GSTA2: variants seen among roughly 807,000 people sequenced by gnomAD.
The protein encoded by GSTA2 is glutathione S-transferase alpha 2, also known as glutathione S-transferase A2.
A neutral mutation model predicts 22.4 loss-of-function variants in GSTA2; 27 were observed. The ratio of observed to expected loss-of-function variants is 1.21; its 90% CI spans 0.89 to 1.67. The LOEUF is 1.67. Ranked by LOEUF, GSTA2 falls within the 40% of genes most tolerant of loss-of-function variation. The probability of loss-of-function intolerance (pLI) is 0.00; values close to 1 mark genes in which losing one functional copy is unlikely to be tolerated. For synonymous variants in GSTA2, 121 were observed against 86.8 expected (o/e 1.39, Z -2.19); for missense variants, 302 against 260.2 (o/e 1.16, Z -1.11).
chr6:52,756,381 T>A (rs1278466916), intron 2 of GSTA2, 72 bp from the exon 3 acceptor site: 2 of 1,160,948 alleles, frequency 1.7e-6, no homozygotes, highest in African/African-American at 3.0e-5. Context: ...GAATGGCCTC[T>A]ATCTGGTGCA....
chr6:52,750,675 G>T lies in GSTA2; in HGVS notation c.571C>A (p.Leu191Met). 1 of 1,613,064 alleles carries T rather than the reference G, an allele frequency of 6.2e-7. No homozygotes were observed. Among genetic ancestry groups the T allele is most frequent in the African/African-American group, 1.3e-5 (1 of 75,010 alleles). The part of the protein sequence containing the change: ...LKALKTRISN[L>M]PTVKKFLQPG... ...TGTAGAAACTTCTTCACTGTGGGCA[G>T]GTTACTGATTCTGGTTTTCAGGGCC... Residue 191 changes from leucine (L) to methionine (M), a missense_variant, in exon 7 of 7, where the codon CTG becomes ATG. Leu to Met is a conservative substitution (Grantham distance 15). Coordinates refer to ENST00000493422, the MANE Select transcript of GSTA2 (RefSeq NM_000846.5).
chr6:52,754,837 C>T, intron 4 of GSTA2, 106 bp downstream of exon 4: 3 of 1,490,144 alleles, frequency 2.0e-6, no homozygotes, highest in Admixed American at 1.8e-5. Context: ...GCCCAAGGCC[C>T]AGCCTGCTGC....
chr6:52,762,523 C>T (rs1259428631), intron 1 of GSTA2, among the ~76,000 whole-genome samples: 1 of 152,182 alleles, frequency 6.6e-6, no homozygotes, highest in Non-Finnish European at 1.5e-5. Flanking sequence ...GACACAGAGA[C>T]GTGAGTTTGT....
chr6:52,760,528 T>A (rs73740548), intron 1 of GSTA2, among the ~76,000 whole-genome samples: 2,728 of 152,240 alleles, frequency 0.018, 87 homozygotes, highest in African/African-American at 0.061. Context: ...CCTATTATCC[T>A]AATTAAAGAT....
intron 1 of GSTA2, among the ~76,000 whole-genome samples, chr6:52,762,583 A>G (rs1431827157): frequency 1.3e-5 from 2 of 152,198 alleles, no homozygotes; most frequent in Non-Finnish European, 2.9e-5. Flanking sequence ...TTGTCCTGCC[A>G]CATCCCCCTC....
rs190975147 is a variant in GSTA2 at position 52,755,318 on chromosome 6, G to A, written c.140-243C>T. Among the ~76,000 whole-genome samples the A allele has an allele frequency of 3.0e-4, 45 of 151,148 alleles. 1 individual carries two copies. The highest frequency in any genetic ancestry group is 2.3e-3 in the Admixed American group (35 of 15,130). On this transcript the variant is annotated intron_variant, in intron 3 of 6. Transcript: ENST00000493422. ...TAACCTCTGCCTCCCAGGTTCAAGC[G>A]ATTCTACTATCTCAGCCTCTCTATA...
intron 1 of GSTA2, among the ~76,000 whole-genome samples, chr6:52,760,189 G>A (rs563073511): frequency 6.6e-6 from 1 of 152,288 alleles, no homozygotes; most frequent in East Asian, 1.9e-4. Context: ...TTATGTACTA[G>A]AGTTCACAGT....
chr6:52,755,573 T>G (rs1254156062), intron 3 of GSTA2, among the ~76,000 whole-genome samples: 1 of 152,190 alleles, frequency 6.6e-6, no homozygotes, highest in East Asian at 1.9e-4. Flanking sequence ...TCCTTTTAGT[T>G]TTTATCCATT....
chr6:52,757,295 A>G (rs1052643828), intron 2 of GSTA2, among the ~76,000 whole-genome samples: 27 of 121,604 alleles, frequency 2.2e-4, no homozygotes, highest in African/African-American at 7.8e-4. Context: ...AATAAATATA[A>G]ACAGAAAAGC....
At chr6:52,759,414 A>C (rs557363318) in intron 1 of GSTA2, among the ~76,000 whole-genome samples, 43 of 152,256 alleles carry the variant, frequency 2.8e-4, no homozygotes, top group African/African-American at 9.9e-4. Context: ...TGAAAGAAGG[A>C]GTTCCAGTGC....
chr6:52,756,853 G>T (rs1411067762), intron 2 of GSTA2, among the ~76,000 whole-genome samples: 1 of 152,250 alleles, frequency 6.6e-6, no homozygotes, highest in Non-Finnish European at 1.5e-5. Flanking sequence ...CTCTTCTGAA[G>T]TACGTGAGAC....
chr6:52,758,447 C>T (rs1017164557), intron 1 of GSTA2, among the ~76,000 whole-genome samples: 12 of 151,804 alleles, frequency 7.9e-5, no homozygotes, highest in African/African-American at 1.2e-4. Context: ...AGTCACACTC[C>T]GGTTGGTGAT....
intron 6 of GSTA2, among the ~76,000 whole-genome samples, chr6:52,751,155 G>A (rs1762727891): frequency 6.6e-6 from 1 of 152,136 alleles, no homozygotes; most frequent in Non-Finnish European, 1.5e-5. Flanking sequence ...CTGGAGAGCT[G>A]GGCAGAGAGG....
chr6:52,761,582 T>A (rs1171682101), intron 1 of GSTA2, among the ~76,000 whole-genome samples: 3 of 150,386 alleles, frequency 2.0e-5, no homozygotes, highest in Non-Finnish European at 4.4e-5. Context: ...TGTACAGAGG[T>A]CAATGATATT....
intron 1 of GSTA2, among the ~76,000 whole-genome samples, chr6:52,759,308 G>A (rs1195942269): frequency 1.3e-5 from 2 of 152,172 alleles, no homozygotes; most frequent in African/African-American, 4.8e-5. Flanking sequence ...TTGGGTGGTG[G>A]AATGTAGCAG....
chr6:52,762,636 T>C (rs1330711154), intron 1 of GSTA2, among the ~76,000 whole-genome samples: 8 of 152,212 alleles, frequency 5.3e-5, no homozygotes, highest in Non-Finnish European at 1.2e-4. Context: ...CTGAGGGAAC[T>C]CAGAGACTGG....
intron 1 of GSTA2, among the ~76,000 whole-genome samples, chr6:52,761,256 G>A (rs1181667760): frequency 1.3e-5 from 2 of 152,174 alleles, no homozygotes; most frequent in Non-Finnish European, 2.9e-5. Flanking sequence ...ACATTGAGTA[G>A]CCCATGGATC....
chr6:52,753,860 C>T (rs1222637998), intron 4 of GSTA2, among the ~76,000 whole-genome samples: 4 of 152,154 alleles, frequency 2.6e-5, no homozygotes, highest in South Asian at 4.1e-4. Context: ...GTACCATTAG[C>T]GGTATTCTTC....
At chr6:52,752,352 C>T (rs1762759672) in intron 5 of GSTA2, among the ~76,000 whole-genome samples, 1 of 152,188 alleles carries the variant, frequency 6.6e-6, no homozygotes, top group Non-Finnish European at 1.5e-5. Flanking sequence ...CTATAAAATG[C>T]ATTTTACAGA....
Sources: gnomAD v4.1 joint callset for allele counts (sites outside exome capture counted in the v4.1 genomes callset) on GRCh38, gnomAD v4.1.1 for gene constraint, MANE v1.5 for transcripts, NCBI Gene and HGNC (gene_info 2026-07-23, HGNC 2026-07-21) for gene names.